PRKCE: variants seen among roughly 807,000 people sequenced by gnomAD.
PRKCE encodes protein kinase C epsilon type.
PRKCE carries 16 observed loss-of-function variants against 85.4 expected under a neutral mutation model. The ratio of observed to expected loss-of-function variants is 0.19; its 90% CI spans 0.13 to 0.28. PRKCE has a LOEUF of 0.28. PRKCE is among the 10% of genes least tolerant of loss of function. The pLI is 1.00. For synonymous variants in PRKCE, 388 were observed against 371.5 expected (o/e 1.04, Z -0.51); for missense variants, 573 against 975.2 (o/e 0.59, Z 5.49).
rs548595407 is a variant in PRKCE, at chr2:45,857,873, G to A, written c.412+14810G>A. On this transcript the variant is annotated intron_variant, in intron 2 of 14. Coordinates refer to ENST00000306156, the MANE Select transcript of PRKCE (RefSeq NM_005400.3). The stretch of plus-strand genomic sequence containing the variant: ...AGTGCCAGGATACAGTAGTCCTTAG[G>A]AAATATTTGTTAAATGATTAAGGAA... 2.6e-5 allele frequency among the ~76,000 whole-genome samples: 4 copies of A among 152,340 alleles called. No homozygotes were observed. The South Asian group carries it at 6.2e-4, about 24-fold the overall frequency.
At position 45,905,290 on chromosome 2, in the gene PRKCE, G is replaced by A. The variant is rs1456365268; in HGVS notation, c.412+62227G>A. 6.6e-6 allele frequency among the ~76,000 whole-genome samples: 1 copy of A among 152,124 alleles called. No individual in the cohort carries two copies. The highest frequency in any genetic ancestry group is 1.5e-5 in the Non-Finnish European group (1 of 68,030). On this transcript the variant is annotated intron_variant, in intron 2 of 14. Transcript: ENST00000306156. This position sits in a 1 kb window ranked among gnomAD's most constrained non-coding sequence, Gnocchi z 4.4. ...TTTGGAATCTGGTAGTGGGAAAACA[G>A]GGAAGCTCCAAAAAAAAAGTAACTC...
chr2:46,118,108 T>C (rs1275859961), intron 11 of PRKCE, among the ~76,000 whole-genome samples: 5 of 152,160 alleles, frequency 3.3e-5, no homozygotes, highest in African/African-American at 4.8e-5. Context: ...CATGGATAAT[T>C]GAAGAATAAA....
At chr2:45,733,494 C>T (rs368195203) in intron 1 of PRKCE, among the ~76,000 whole-genome samples, 11 of 152,066 alleles carry the variant, frequency 7.2e-5, no homozygotes, top group East Asian at 3.9e-4. Context: ...ATAAAGGCCA[C>T]GGAAAAAGAG....
At chr2:45,660,622 C>T (rs1047788941) in intron 1 of PRKCE, among the ~76,000 whole-genome samples, 1 of 152,198 alleles carries the variant, frequency 6.6e-6, no homozygotes, top group Non-Finnish European at 1.5e-5. Flanking sequence ...GAAGCATGTT[C>T]AGACAAAGCT....
At chr2:45,755,034 C>T (rs987389977) in intron 1 of PRKCE, among the ~76,000 whole-genome samples, 2 of 152,158 alleles carry the variant, frequency 1.3e-5, no homozygotes, top group Admixed American at 6.5e-5. Context: ...AGTAATGTGG[C>T]CGGGCCTTGG....
chr2:46,114,506 C>G (rs1041080386), intron 11 of PRKCE, among the ~76,000 whole-genome samples: 3 of 149,478 alleles, frequency 2.0e-5, no homozygotes, highest in African/African-American at 7.5e-5. Context: ...CAAGCTCCAC[C>G]TCCCAGGTTC....
At chr2:46,112,348 G>T (rs1419119956) in intron 11 of PRKCE, among the ~76,000 whole-genome samples, 1 of 151,818 alleles carries the variant, frequency 6.6e-6, no homozygotes, top group Non-Finnish European at 1.5e-5. Flanking sequence ...GGTTTGTTTT[G>T]GTTTGCTTGC....
chr2:46,126,579 C>A (rs376933468), intron 11 of PRKCE, among the ~76,000 whole-genome samples: 1 of 152,154 alleles, frequency 6.6e-6, no homozygotes, highest in Non-Finnish European at 1.5e-5. Flanking sequence ...ATAGGCATAG[C>A]TTTTATTTGA....
intron 6 of PRKCE, 119 bp downstream of exon 6, chr2:45,984,799 A>C: frequency 7.3e-7 from 1 of 1,370,064 alleles, no homozygotes; most frequent in Non-Finnish European, 9.8e-7. Context: ...AACTGAGTGC[A>C]AGCCTTTGTT....
intron 1 of PRKCE, among the ~76,000 whole-genome samples, chr2:45,715,975 G>A (rs992332403): frequency 1.3e-5 from 2 of 152,170 alleles, no homozygotes; most frequent in Non-Finnish European, 2.9e-5. Context: ...TCTGCTCCCA[G>A]TGCTGGGCCC....
At chr2:45,744,645 TCACCCAGGCTG>T (rs1481340949) in intron 1 of PRKCE, among the ~76,000 whole-genome samples, 2 of 151,620 alleles carry the variant, frequency 1.3e-5, no homozygotes, top group Non-Finnish European at 2.9e-5. Flanking sequence ...TCTCGCTGTG[TCACCCAGGCTG>T]GAGTGCAGTG....
intron 2 of PRKCE, among the ~76,000 whole-genome samples, chr2:45,869,707 T>TC (rs372228345): frequency 6.4e-4 from 24 of 37,662 alleles, no homozygotes; most frequent in African/African-American, 1.4e-3. Context: ...TCTCTCTCTC[T>TC]TTTTTTTTTT....
At chr2:46,147,271 CT>C (rs1221890673) in intron 12 of PRKCE, among the ~76,000 whole-genome samples, 4 of 152,216 alleles carry the variant, frequency 2.6e-5, no homozygotes, top group Non-Finnish European at 5.9e-5. Flanking sequence ...TTCTCGTGTT[CT>C]TCGTTCATTC....
At chr2:45,848,002 C>T (rs1691934941) in intron 2 of PRKCE, among the ~76,000 whole-genome samples, 1 of 152,172 alleles carries the variant, frequency 6.6e-6, no homozygotes, top group Admixed American at 6.5e-5. Context: ...ATAATTCTTC[C>T]TACTGACCTG....
intron 14 of PRKCE, among the ~76,000 whole-genome samples, chr2:46,173,945 A>C (rs1679168068): frequency 6.6e-6 from 1 of 152,242 alleles, no homozygotes. Flanking sequence ...TAGTTTAGCA[A>C]ACAATAATGA....
At chr2:45,920,133 A>G (rs35497509) in intron 2 of PRKCE, among the ~76,000 whole-genome samples, 10,238 of 152,318 alleles carry the variant, frequency 0.067, 425 homozygotes, top group Middle Eastern at 0.12. Flanking sequence ...CAACTCTTCA[A>G]TGTTTAGGCA....
intron 13 of PRKCE, among the ~76,000 whole-genome samples, chr2:46,152,673 C>T (rs542445258): frequency 2.5e-4 from 38 of 151,232 alleles, no homozygotes; most frequent in East Asian, 1.2e-3. Flanking sequence ...CTCAGCCTCC[C>T]GAGTAGCTAG....
chr2:46,131,995 A>T (rs796913200), intron 11 of PRKCE, among the ~76,000 whole-genome samples: 2 of 152,170 alleles, frequency 1.3e-5, no homozygotes, highest in African/African-American at 4.8e-5. Context: ...ATTATTTATT[A>T]TTTCTAAATC....
intron 1 of PRKCE, among the ~76,000 whole-genome samples, chr2:45,684,395 C>A (rs1677131937): frequency 6.6e-6 from 1 of 152,186 alleles, no homozygotes; most frequent in South Asian, 2.1e-4. Context: ...CACATGAACA[C>A]CACAGTCAAG....
Sources: allele counts gnomAD v4.1 joint callset (sites outside exome capture counted in the v4.1 genomes callset), GRCh38; gene constraint gnomAD v4.1.1; non-coding constraint Gnocchi (gnomAD v3.1); transcripts MANE v1.5; gene names NCBI Gene and HGNC (gene_info 2026-07-23, HGNC 2026-07-21).